The following ZNHIT6 variants were observed in gnomAD, a reference collection of about 807,000 sequenced individuals.
ZNHIT6 encodes the protein box C/D snoRNA protein 1.
A neutral mutation model predicts 57.2 loss-of-function variants in ZNHIT6; 45 were observed. The observed-to-expected ratio is 0.79, with a 90% CI of 0.62 to 1.01. The LOEUF (loss-of-function observed/expected upper bound fraction) is 1.01, where lower values mean the gene tolerates loss of function less well. Ranked by LOEUF, ZNHIT6 falls within the 50% of genes least tolerant of loss-of-function variation. The pLI is 0.00. For missense variants in ZNHIT6, 528 were observed against 567.3 expected, an observed-to-expected ratio of 0.93 and a Z score of 0.70; for synonymous variants, 188 against 190.0, an observed-to-expected ratio of 0.99 and a Z score of 0.09.
intron 5 of ZNHIT6, among the ~76,000 whole-genome samples, 190 bp downstream of exon 5, chr1:85,701,967 C>T (rs564254105): frequency 6.6e-6 from 1 of 151,052 alleles, no homozygotes; most frequent in South Asian, 2.1e-4. Context: ...CACACACACG[C>T]ACACACTGCA....
chr1:85,701,281 C>T (rs897486982), intron 5 of ZNHIT6, among the ~76,000 whole-genome samples: 1 of 152,078 alleles, frequency 6.6e-6, no homozygotes, highest in African/African-American at 2.4e-5. Context: ...CGGGTCAACT[C>T]CCCACATCAT....
rs367577775 is a variant in ZNHIT6, at chr1:85,652,797, C to A, written c.*1261G>T. On this transcript the variant is annotated 3_prime_UTR_variant, in exon 10 of 10. Coordinates refer to ENST00000370574, the MANE Select transcript of ZNHIT6 (RefSeq NM_017953.4). Reference sequence around the variant, plus strand: ...CATTGCTTTTTAACCATTAAGTACACACATACAATATAGATGTAACAATCT... The same window carrying A: ...CATTGCTTTTTAACCATTAAGTACAAACATACAATATAGATGTAACAATCT... The A allele has an allele frequency of 1.3e-5, 2 of 152,174 alleles. No individual in the cohort carries two copies. Among genetic ancestry groups the A allele is most frequent in the Admixed American group, 1.3e-4 (2 of 15,274 alleles). 9.4% of individuals were successfully genotyped at this position (152,174 alleles called of 1,614,324 possible).
At chr1:85,675,047 T>C (rs1661661693) in intron 8 of ZNHIT6, among the ~76,000 whole-genome samples, 2 of 152,172 alleles carry the variant, frequency 1.3e-5, no homozygotes, top group South Asian at 2.1e-4. Flanking sequence ...TGTCCTAGCA[T>C]ACCAGGGTTT....
intron 4 of ZNHIT6, among the ~76,000 whole-genome samples, chr1:85,704,001 T>C (rs952324107): frequency 6.6e-6 from 1 of 152,142 alleles, no homozygotes. Context: ...GAAATCCAAA[T>C]GGCCAATAAA....
intron 5 of ZNHIT6, among the ~76,000 whole-genome samples, chr1:85,696,852 C>CTTT (rs67507264): frequency 2.6e-5 from 3 of 113,692 alleles, no homozygotes; most frequent in Non-Finnish European, 3.5e-5. Flanking sequence ...ACCATCTATT[C>CTTT]TTTTTTTTTT....
chr1:85,660,814 A>T (rs1382127182), intron 8 of ZNHIT6, among the ~76,000 whole-genome samples: 1 of 152,222 alleles, frequency 6.6e-6, no homozygotes, highest in East Asian at 1.9e-4. Context: ...GCAAAGATTT[A>T]TAAGAGGCTT....
Position 85,706,248 on chromosome 1 carries a change from C to A in ZNHIT6, c.829+1G>T, listed in dbSNP as rs574651904. ...AATTTGCTATGCATAAAGTGGCTTA[C>A]CACTTAGGAGATTCATTTCAGTAAA... is the stretch of plus-strand genomic sequence containing the variant. On this transcript the variant is annotated splice_donor_variant, in intron 3 of 9. Transcript: ENST00000370574. LOFTEE classifies it high-confidence loss of function. The A allele has an allele frequency of 6.2e-7, 1 of 1,610,672 alleles. No homozygotes were observed. Among genetic ancestry groups the A allele is most frequent in the South Asian group, 1.1e-5 (1 of 90,684 alleles).
intron 5 of ZNHIT6, among the ~76,000 whole-genome samples, chr1:85,683,258 C>T (rs916405747): frequency 1.3e-5 from 2 of 150,102 alleles, no homozygotes; most frequent in Non-Finnish European, 3.0e-5. Flanking sequence ...GTGGCTCACG[C>T]CTCTAATCCC....
chr1:85,672,484 ACTT>A (rs1229674043), intron 8 of ZNHIT6, among the ~76,000 whole-genome samples: 1 of 152,164 alleles, frequency 6.6e-6, no homozygotes, highest in Non-Finnish European at 1.5e-5. Flanking sequence ...ATGCCCTTGC[ACTT>A]CTTAAGGCCC....
At chr1:85,677,419 T>C (rs1661734991) in intron 7 of ZNHIT6, 106 bp from the exon 8 acceptor site, 1 of 742,448 alleles carries the variant, frequency 1.3e-6, no homozygotes, top group South Asian at 3.8e-5. Context: ...AAAGTTCATG[T>C]ATTTAAGCAT....
chr1:85,688,590 C>G (rs140693590), intron 5 of ZNHIT6, among the ~76,000 whole-genome samples: 145 of 152,272 alleles, frequency 9.5e-4, no homozygotes, highest in African/African-American at 3.3e-3. Flanking sequence ...CATAACCATA[C>G]CTTAATGAAT....
intron 5 of ZNHIT6, among the ~76,000 whole-genome samples, chr1:85,699,579 G>C (rs1290197344): frequency 6.6e-6 from 1 of 152,022 alleles, no homozygotes; most frequent in Non-Finnish European, 1.5e-5. Context: ...CAAAAGTTAA[G>C]GTATAACTAA....
At chr1:85,657,199 T>G (rs1281273173) in intron 9 of ZNHIT6, among the ~76,000 whole-genome samples, 2 of 152,136 alleles carry the variant, frequency 1.3e-5, no homozygotes, top group African/African-American at 2.4e-5. Context: ...AGATGAGTCA[T>G]TTTATGTACT....
Position 85,678,640 on chromosome 1 carries a change from C to G in ZNHIT6, c.1169+61G>C, listed in dbSNP as rs561161178. ...TCACATTCTAATAGTCATGGATGAC[C>G]CTAATAAGTACATCAACATTTTTAA... On this transcript the variant is annotated intron_variant, in intron 7 of 9. Coordinates refer to ENST00000370574, the MANE Select transcript of ZNHIT6 (RefSeq NM_017953.4). The G allele has an allele frequency of 4.0e-5, 44 of 1,113,282 alleles. No individual in the cohort carries two copies. The South Asian group carries it at 5.6e-4, about 14-fold the overall frequency. 69.0% of individuals were successfully genotyped at this position (1,113,282 alleles called of 1,614,324 possible).
intron 4 of ZNHIT6, among the ~76,000 whole-genome samples, chr1:85,704,365 A>G (rs2100723007): frequency 6.6e-6 from 1 of 152,262 alleles, no homozygotes; most frequent in Non-Finnish European, 1.5e-5. Flanking sequence ...CTTACAGAAA[A>G]TCCAAAATCC....
At chr1:85,699,557 G>A (rs1248794371) in intron 5 of ZNHIT6, among the ~76,000 whole-genome samples, 27 of 151,948 alleles carry the variant, frequency 1.8e-4, no homozygotes, top group Admixed American at 1.8e-3. Flanking sequence ...AAAAAAATTT[G>A]GTAATATTCA....
chr1:85,702,266 A>G lies in ZNHIT6; in HGVS notation c.916-6T>C, dbSNP rs1242563458. ...CGATTTTTCATAAAGTACATCTAAC[A>G]ACAAAAACCAAACAGACAAATTAAT... On this transcript the variant is annotated splice_polypyrimidine_tract_variant and splice_region_variant and intron_variant, in intron 4 of 9. Coordinates refer to ENST00000370574, the MANE Select transcript of ZNHIT6 (RefSeq NM_017953.4). 1.3e-6 allele frequency: 2 copies of G among 1,529,052 alleles called. No homozygotes were observed. The highest frequency in any genetic ancestry group is 4.5e-5 in the East Asian group (2 of 44,400). 94.7% of individuals were successfully genotyped at this position (1,529,052 alleles called of 1,614,324 possible). A position where few individuals can be genotyped will look rare whatever the true frequency, so the allele number is the denominator to read the frequency against.
intron 5 of ZNHIT6, among the ~76,000 whole-genome samples, chr1:85,682,239 T>C (rs1243345331): frequency 1.3e-5 from 2 of 150,550 alleles, no homozygotes; most frequent in Admixed American, 6.7e-5. Flanking sequence ...TTCGCCAGGA[T>C]GGTCTCGATC....
chr1:85,678,253 T>TA (rs955257180), intron 7 of ZNHIT6, among the ~76,000 whole-genome samples: 3 of 152,188 alleles, frequency 2.0e-5, no homozygotes, highest in African/African-American at 7.2e-5. Context: ...TTCCTGTCTT[T>TA]AAGTTACTTG....
Sources: gnomAD v4.1 joint callset for allele counts (sites outside exome capture counted in the v4.1 genomes callset) on GRCh38, gnomAD v4.1.1 for gene constraint, MANE v1.5 for transcripts, NCBI Gene and HGNC (gene_info 2026-07-23, HGNC 2026-07-21) for gene names.